The following SLC9A9 variants were observed in gnomAD, a reference collection of about 807,000 sequenced individuals.
SLC9A9 encodes solute carrier family 9 member A9.
In SLC9A9, 62 loss-of-function variants were observed where a neutral mutation model predicts 77.8. That is an observed-to-expected ratio of 0.80 (90% CI 0.65 to 0.98). The LOEUF is 0.98. SLC9A9 is among the 50% of genes least tolerant of loss of function. The probability of loss-of-function intolerance (pLI) is 0.00; values close to 1 mark genes in which losing one functional copy is unlikely to be tolerated. For missense variants in SLC9A9, 775 were observed against 774.9 expected (o/e 1.00, Z 0.00); for synonymous variants, 320 against 283.5 (o/e 1.13, Z -1.29).
At chr3:143,698,522 G>A (rs1056161179) in intron 4 of SLC9A9, among the ~76,000 whole-genome samples, 3 of 151,946 alleles carry the variant, frequency 2.0e-5, no homozygotes, top group Non-Finnish European at 1.5e-5. Flanking sequence ...GAGTTATGAC[G>A]CACACACTGA....
intron 9 of SLC9A9, among the ~76,000 whole-genome samples, chr3:143,510,432 TA>T (rs2036097963): frequency 6.6e-6 from 1 of 152,238 alleles, no homozygotes; most frequent in Admixed American, 6.5e-5. Context: ...TGTGTCATTT[TA>T]TAGAATGATT....
chr3:143,301,905 G>T (rs2030539884), intron 14 of SLC9A9, among the ~76,000 whole-genome samples: 1 of 152,176 alleles, frequency 6.6e-6, no homozygotes, highest in Admixed American at 6.5e-5. Context: ...TAATGTCAGT[G>T]GAGGTGTTTT....
intron 5 of SLC9A9, among the ~76,000 whole-genome samples, chr3:143,687,028 C>T (rs1303381954): frequency 6.6e-6 from 1 of 151,978 alleles, no homozygotes; most frequent in Non-Finnish European, 1.5e-5. Context: ...TTTCACTGTC[C>T]ACTTGTTAAG....
At chr3:143,682,653 T>C (rs1192145943) in intron 5 of SLC9A9, among the ~76,000 whole-genome samples, 2 of 152,164 alleles carry the variant, frequency 1.3e-5, no homozygotes, top group Admixed American at 6.6e-5. Context: ...CTCAGTTATA[T>C]CAAATTAGGG....
chr3:143,274,293 T>C (rs543308483), intron 14 of SLC9A9, among the ~76,000 whole-genome samples: 73 of 152,344 alleles, frequency 4.8e-4, no homozygotes, highest in Non-Finnish European at 9.0e-4. Flanking sequence ...ACCCTTTCAT[T>C]GATATAGCAT....
At chr3:143,698,538 A>T (rs781286421) in intron 4 of SLC9A9, among the ~76,000 whole-genome samples, 4 of 152,172 alleles carry the variant, frequency 2.6e-5, no homozygotes, top group Non-Finnish European at 5.9e-5. Context: ...ACTGATTTTA[A>T]ATTTCATGAG....
chr3:143,348,041 A>C (rs2032344243), intron 14 of SLC9A9, among the ~76,000 whole-genome samples: 1 of 149,452 alleles, frequency 6.7e-6, no homozygotes, highest in African/African-American at 2.5e-5. Flanking sequence ...TTTAGAGGGA[A>C]TCTTACTCTG....
Position 143,548,664 on chromosome 3 carries a change from T to G in SLC9A9, c.1089+3698A>C, listed in dbSNP as rs192973994. 3.6e-4 allele frequency among the ~76,000 whole-genome samples: 55 copies of G among 152,350 alleles called. No homozygotes were observed. In the East Asian group the frequency reaches 8.5e-3, roughly 24 times the overall value. ...CAGCATCATAGTGCCTCTGTCATAC[T>G]GCTTTTTGCCTAACACATAGCGATG... On this transcript the variant is annotated intron_variant, in intron 9 of 15. Coordinates refer to ENST00000316549, the MANE Select transcript of SLC9A9 (RefSeq NM_173653.4).
At chr3:143,349,332 G>A (rs2032387180) in intron 14 of SLC9A9, among the ~76,000 whole-genome samples, 3 of 152,160 alleles carry the variant, frequency 2.0e-5, no homozygotes, top group Non-Finnish European at 2.9e-5. Flanking sequence ...GTCAGCCCTG[G>A]AAGCTCTTTT....
intron 6 of SLC9A9, among the ~76,000 whole-genome samples, chr3:143,610,194 C>G (rs2038000222): frequency 6.6e-6 from 1 of 152,052 alleles, no homozygotes; most frequent in African/African-American, 2.4e-5. Context: ...TGTCACCCAG[C>G]CTGGAGTGCA....
intron 5 of SLC9A9, among the ~76,000 whole-genome samples, chr3:143,692,721 G>T (rs900071927): frequency 6.6e-6 from 1 of 152,142 alleles, no homozygotes; most frequent in African/African-American, 2.4e-5. Context: ...TAGAGCAGGG[G>T]TGTCCAATCT....
chr3:143,623,754 T>C (rs1389243821), intron 6 of SLC9A9, among the ~76,000 whole-genome samples: 2 of 151,834 alleles, frequency 1.3e-5, no homozygotes, highest in African/African-American at 4.8e-5. Context: ...AGGCAAGAAA[T>C]AGCTAAGATC....
intron 13 of SLC9A9, among the ~76,000 whole-genome samples, chr3:143,375,857 G>A (rs1397984919): frequency 1.3e-5 from 2 of 152,112 alleles, no homozygotes; most frequent in Non-Finnish European, 2.9e-5. Flanking sequence ...TAGTATTCTT[G>A]GTGGCTCACT....
At chr3:143,801,035 T>A (rs966318336) in intron 2 of SLC9A9, among the ~76,000 whole-genome samples, 1 of 152,216 alleles carries the variant, frequency 6.6e-6, no homozygotes, top group Admixed American at 6.5e-5. Flanking sequence ...TTTGCCATCC[T>A]AACAAACCCA....
At chr3:143,655,259 T>C (rs1366614148) in intron 5 of SLC9A9, among the ~76,000 whole-genome samples, 2 of 152,196 alleles carry the variant, frequency 1.3e-5, no homozygotes, top group Non-Finnish European at 2.9e-5. Context: ...GGAGAGAATC[T>C]TTGGGACAGC....
intron 4 of SLC9A9, among the ~76,000 whole-genome samples, chr3:143,715,834 G>A (rs972473306): frequency 1.3e-5 from 2 of 152,194 alleles, no homozygotes; most frequent in Admixed American, 1.3e-4. Flanking sequence ...TAGAAAACCT[G>A]GGGAGGTATG....
intron 9 of SLC9A9, among the ~76,000 whole-genome samples, chr3:143,514,890 T>G (rs1481197033): frequency 2.6e-5 from 4 of 152,228 alleles, no homozygotes; most frequent in African/African-American, 9.6e-5. Context: ...TGGAGTAGCA[T>G]TTTAAATTTA....
intron 14 of SLC9A9, among the ~76,000 whole-genome samples, chr3:143,330,905 T>C (rs985399181): frequency 3.3e-5 from 5 of 152,238 alleles, no homozygotes; most frequent in Non-Finnish European, 7.3e-5. Context: ...ATTCCATTTA[T>C]GCATAGAGCC....
At chr3:143,665,367 C>T (rs1043095422) in intron 5 of SLC9A9, among the ~76,000 whole-genome samples, 3 of 152,092 alleles carry the variant, frequency 2.0e-5, no homozygotes, top group Admixed American at 1.3e-4. Context: ...GCACTAAATG[C>T]CCACAAGAGA....
Sources: allele counts gnomAD v4.1 joint callset (sites outside exome capture counted in the v4.1 genomes callset), GRCh38; gene constraint gnomAD v4.1.1; transcripts MANE v1.5; gene names NCBI Gene and HGNC (gene_info 2026-07-23, HGNC 2026-07-21).